The following ARPP21 variants were observed in gnomAD, a reference collection of about 807,000 sequenced individuals.
ARPP21 encodes the protein cAMP regulated phosphoprotein 21, also known as cAMP-regulated phosphoprotein 21.
A neutral mutation model predicts 113.2 loss-of-function variants in ARPP21; 69 were observed. That is an observed-to-expected ratio of 0.61 (90% confidence interval 0.50 to 0.74). The LOEUF is 0.74. Ranked by LOEUF, ARPP21 falls within the 30% of genes least tolerant of loss-of-function variation. The probability of loss-of-function intolerance (pLI) is 0.00; values close to 1 mark genes in which losing one functional copy is unlikely to be tolerated. For missense variants in ARPP21, 1,070 were observed against 1,037.4 expected (o/e 1.03, Z -0.43); for synonymous variants, 368 against 375.5 (o/e 0.98, Z 0.23).
chr3:35,726,448 T>A (rs1019595463), intron 14 of ARPP21, among the ~76,000 whole-genome samples: 1 of 152,232 alleles, frequency 6.6e-6, no homozygotes, highest in Non-Finnish European at 1.5e-5. Flanking sequence ...TGCTGAGCCA[T>A]CCTTTTGAAG....
rs1458083634 is a variant in ARPP21, at chr3:35,790,610, G to T, written c.2138-1772G>T. On this transcript the variant is annotated intron_variant, in intron 19 of 20. Transcript: ENST00000684406. ...TAATATGGGATTAATCACATTTCTT[G>T]TTCCCAGGTCTGATGGTTTTTCCTT... is the stretch of plus-strand genomic sequence containing the variant. 2.6e-5 allele frequency among the ~76,000 whole-genome samples: 4 copies of T among 152,160 alleles called. No homozygotes were observed. In the South Asian group the frequency reaches 6.2e-4, roughly 24 times the overall value.
intron 19 of ARPP21, among the ~76,000 whole-genome samples, chr3:35,747,303 C>T (rs1164508429): frequency 4.9e-5 from 7 of 144,070 alleles, no homozygotes; most frequent in East Asian, 2.0e-4. Context: ...GGCAGTGAGT[C>T]GAGATTGCAC....
intron 1 of ARPP21, among the ~76,000 whole-genome samples, chr3:35,671,000 C>A (rs1367192984): frequency 1.3e-5 from 2 of 152,128 alleles, no homozygotes; most frequent in African/African-American, 2.4e-5. Context: ...AAATCCTTGA[C>A]AGCTTAGAAA....
intron 1 of ARPP21, among the ~76,000 whole-genome samples, chr3:35,652,399 T>C (rs1702767809): frequency 6.6e-6 from 1 of 152,102 alleles, no homozygotes; most frequent in Admixed American, 6.5e-5. Flanking sequence ...CCAAAGGATC[T>C]AGCAAGAGAA....
chr3:35,694,472 A>C (rs2083200844), intron 9 of ARPP21, among the ~76,000 whole-genome samples: 1 of 147,932 alleles, frequency 6.8e-6, no homozygotes, highest in African/African-American at 2.4e-5. Flanking sequence ...TATTACATTT[A>C]ATACAAAAAA....
chr3:35,661,676 C>T (rs1447864276), intron 1 of ARPP21, among the ~76,000 whole-genome samples: 1 of 152,172 alleles, frequency 6.6e-6, no homozygotes, highest in East Asian at 1.9e-4. Context: ...TGTCCTGCCT[C>T]ATCTCTCAAA....
chr3:35,685,807 C>A (rs2080379048), intron 5 of ARPP21: 1 of 828,854 alleles, frequency 1.2e-6, no homozygotes, highest in Non-Finnish European at 1.5e-6. Flanking sequence ...TATCCTGTAC[C>A]AATGTATTTA....
At chr3:35,751,833 T>C (rs1317222836) in intron 19 of ARPP21, among the ~76,000 whole-genome samples, 1 of 152,062 alleles carries the variant, frequency 6.6e-6, no homozygotes, top group Non-Finnish European at 1.5e-5. Context: ...GTTTATTCAG[T>C]CTGACAAAGT....
At chr3:35,675,356 C>T (rs766254145) in intron 1 of ARPP21, among the ~76,000 whole-genome samples, 4 of 151,746 alleles carry the variant, frequency 2.6e-5, no homozygotes, top group Non-Finnish European at 4.4e-5. Flanking sequence ...TTGATGCTGT[C>T]GGATTCTTGG....
chr3:35,737,854 G>C (rs1017587983), intron 16 of ARPP21, among the ~76,000 whole-genome samples: 3 of 152,210 alleles, frequency 2.0e-5, no homozygotes, highest in Admixed American at 6.5e-5. Context: ...TTGCTGGGAA[G>C]ACACAGATGC....
chr3:35,771,585 TC>T (rs2096204992), intron 19 of ARPP21, among the ~76,000 whole-genome samples: 1 of 152,158 alleles, frequency 6.6e-6, no homozygotes, highest in Non-Finnish European at 1.5e-5. Flanking sequence ...TGCCGTGGCC[TC>T]CCAAAGTGCT....
chr3:35,683,427 A>G (rs561209975), intron 4 of ARPP21, among the ~76,000 whole-genome samples: 17 of 151,664 alleles, frequency 1.1e-4, no homozygotes, highest in Non-Finnish European at 2.5e-4. Flanking sequence ...TCCTCCTGAT[A>G]TTTTCATGAA....
intron 1 of ARPP21, among the ~76,000 whole-genome samples, chr3:35,656,794 A>T (rs945959357): frequency 6.6e-6 from 1 of 152,054 alleles, no homozygotes. Flanking sequence ...GCCCCTAAAA[A>T]AGTCAAATTT....
chr3:35,731,992 A>G (rs1392753797), intron 15 of ARPP21, among the ~76,000 whole-genome samples: 1 of 152,176 alleles, frequency 6.6e-6, no homozygotes, highest in East Asian at 1.9e-4. Context: ...ATGGATAAAA[A>G]AGTCTTAGGC....
chr3:35,717,217 G>A (rs192089447), intron 12 of ARPP21, 81 bp from the exon 13 acceptor site: 74 of 786,416 alleles, frequency 9.4e-5, no homozygotes, highest in African/African-American at 5.5e-4. Flanking sequence ...TTGTGCTGTA[G>A]TAGAGTACAC....
At chr3:35,768,079 CGTGTGTGTGTGTGTGTGTGTGTGTGT>C (rs5847897) in intron 19 of ARPP21, among the ~76,000 whole-genome samples, 28 of 111,812 alleles carry the variant, frequency 2.5e-4, no homozygotes, top group Non-Finnish European at 3.6e-4. Flanking sequence ...CATGCTTTTC[CGTGTGTGTGTGTGTGTGTGTGTGTGT>C]GTGTGTGTGT....
At chr3:35,684,485 A>C (rs1398609451) in intron 5 of ARPP21, 5 of 984,710 alleles carry the variant, frequency 5.1e-6, no homozygotes, top group Middle Eastern at 5.2e-4. Flanking sequence ...AAAATGGGAA[A>C]CTTCACATCA....
chr3:35,703,457 C>T (rs1055772085), intron 9 of ARPP21, among the ~76,000 whole-genome samples: 3 of 151,968 alleles, frequency 2.0e-5, no homozygotes, highest in South Asian at 4.2e-4. Flanking sequence ...TGCCAGTGCT[C>T]TTCACTATAC....
intron 19 of ARPP21, among the ~76,000 whole-genome samples, chr3:35,750,491 C>T (rs2095362817): frequency 6.6e-6 from 1 of 152,052 alleles, no homozygotes; most frequent in East Asian, 1.9e-4. Context: ...CAGGAAATAG[C>T]CTATTTAGTT....
Sources: allele counts gnomAD v4.1 joint callset (sites outside exome capture counted in the v4.1 genomes callset), GRCh38; gene constraint gnomAD v4.1.1; transcripts MANE v1.5; gene names NCBI Gene and HGNC (gene_info 2026-07-23, HGNC 2026-07-21).